The following TRIM15 variants were observed in gnomAD, a reference collection of about 807,000 sequenced individuals.
TRIM15 encodes E3 ubiquitin-protein ligase TRIM15.
A neutral mutation model predicts 35.8 loss-of-function variants in TRIM15; 35 were observed. That is an observed-to-expected ratio of 0.98 (90% CI 0.75 to 1.30). TRIM15 has a LOEUF of 1.30. TRIM15 is among the 50% of genes most tolerant of loss of function. The probability of loss-of-function intolerance (pLI) is 0.00; values close to 1 mark genes in which losing one functional copy is unlikely to be tolerated. For missense variants in TRIM15, 590 were observed against 593.5 expected, an observed-to-expected ratio of 0.99 and a Z score of 0.06; for synonymous variants, 252 against 249.8, an observed-to-expected ratio of 1.01 and a Z score of -0.08.
chr6:30,164,079 C>A lies in TRIM15; in HGVS notation c.381+14C>A. The stretch of plus-strand genomic sequence containing the variant: ...CAGCCCTACCGGGTAAGAAGTGTAG[C>A]TTTACCTAGGGCCTGTTTGGGGCAG... On this transcript the variant is annotated intron_variant, in intron 1 of 6. Coordinates refer to ENST00000376694, the MANE Select transcript of TRIM15 (RefSeq NM_033229.3). 1.2e-6 allele frequency: 2 copies of A among 1,602,608 alleles called. No individual in the cohort carries two copies. The highest frequency in any genetic ancestry group is 2.2e-5 in the East Asian group (1 of 44,802).
In TRIM15 at chr6:30,171,025, T is replaced by C. The variant is rs1773978240; in HGVS notation, c.880+17T>C. 1.2e-6 allele frequency: 2 copies of C among 1,609,766 alleles called. No homozygotes were observed. The highest frequency in any genetic ancestry group is 1.7e-6 in the Non-Finnish European group (2 of 1,178,472). ...TAGATTCAGGTAAACAGCTTGGGAT[T>C]TGGGGAGTCATTCTTCCATTCATCC... On this transcript the variant is annotated intron_variant, in intron 6 of 6. Transcript: ENST00000376694.
At position 30,167,262 on chromosome 6, in the gene TRIM15, A is replaced by G. The variant is rs1484728546; in HGVS notation, c.468A>G (p.Gln156=). Residue 156 remains glutamine, a synonymous_variant, in exon 2 of 7, where the codon CAA becomes CAG. Transcript: ENST00000376694. ...DVKCQEDQKL[Q]VLLTQIESKK... ...AGTGTCAAGAAGACCAGAAGCTTCAAGTGCTGCTGGTACAGGCCACGTCAC... is the reference window on the plus strand; with the variant it reads ...AGTGTCAAGAAGACCAGAAGCTTCAGGTGCTGCTGGTACAGGCCACGTCAC... 1 of 1,612,494 alleles carries G rather than the reference A, an allele frequency of 6.2e-7. No homozygotes were observed. Among genetic ancestry groups the G allele is most frequent in the African/African-American group, 1.3e-5 (1 of 75,044 alleles).
rs149881430 is a variant in TRIM15 at position 30,168,453 on chromosome 6, G to C, written c.631G>C (p.Glu211Gln). 4.3e-6 allele frequency: 7 copies of C among 1,612,124 alleles called. No individual in the cohort carries two copies. Among genetic ancestry groups the C allele is most frequent in the African/African-American group, 1.3e-5 (1 of 74,912 alleles). ...GGATGAATATATCACAAAGGTCTCT[G>C]AGGAAGTCACCCGGCTTGGAGCCCA... ...ERDEYITKVS[E>Q]EVTRLGAQVK... is the part of the protein sequence containing the mutation. Residue 211 changes from glutamate to glutamine, a missense_variant, in exon 3 of 7, where the codon GAG becomes CAG. Transcript: ENST00000376694.
Position 30,172,319 on chromosome 6 carries a change from A to T in TRIM15, c.1368A>T (p.Lys456Asn). ...TCTTCCCTTTCTTTGCCGTCTGGAA[A>T]AAAGGTTCCTGCCTTACGCTGAAAG... ...GKVFPFFAVWKKGSCLTLKG is the reference protein window; with the variant it reads ...GKVFPFFAVWNKGSCLTLKG Residue 456 changes from lysine (K) to asparagine (N), a missense_variant, in exon 7 of 7, where the codon AAA (lysine) becomes AAT (asparagine). Lys to Asn is a moderately conservative substitution (Grantham distance 94). Coordinates refer to ENST00000376694, the MANE Select transcript of TRIM15 (RefSeq NM_033229.3). 2 of 1,611,930 alleles carry T rather than the reference A, an allele frequency of 1.2e-6. No individual in the cohort carries two copies. The highest frequency in any genetic ancestry group is 1.7e-6 in the Non-Finnish European group (2 of 1,179,478).
intron 1 of TRIM15, among the ~76,000 whole-genome samples, chr6:30,165,609 T>C (rs1773542379): frequency 6.6e-6 from 1 of 152,238 alleles, no homozygotes; most frequent in Non-Finnish European, 1.5e-5. Context: ...ATCCTCTGGG[T>C]ATATACCCAG....
chr6:30,170,375 TA>T, intron 4 of TRIM15, 125 bp from the exon 5 acceptor site: 1 of 609,360 alleles, frequency 1.6e-6, no homozygotes, highest in East Asian at 2.8e-5. Flanking sequence ...AAAGAAATGA[TA>T]CTCAATTTCA....
Position 30,168,337 on chromosome 6 carries a change from C to A in TRIM15, c.515C>A (p.Ala172Asp), listed in dbSNP as rs1216995081. The A allele has an allele frequency of 6.2e-7, 1 of 1,612,940 alleles. No individual in the cohort carries two copies. Among genetic ancestry groups the A allele is most frequent in the Non-Finnish European group, 8.5e-7 (1 of 1,180,040 alleles). The change falls in exon 3 of 7, where the codon GCT (alanine) becomes GAT (aspartate). Residue 172 changes from alanine (A) to aspartate (D), a missense_variant. By Grantham distance (126) the Ala-to-Asp change is moderately radical. Coordinates refer to ENST00000376694, the MANE Select transcript of TRIM15 (RefSeq NM_033229.3). ...IESKKHQVET[A>D]FERLQQELEQ... ...AGCAAGAAGCATCAGGTGGAAACAG[C>A]TTTTGAGAGGCTGCAGCAGGAGCTG... is the stretch of plus-strand genomic sequence containing the variant.
At chr6:30,171,475 A>G (rs1459112959) in intron 6 of TRIM15, among the ~76,000 whole-genome samples, 1 of 152,234 alleles carries the variant, frequency 6.6e-6, no homozygotes, top group Non-Finnish European at 1.5e-5. Context: ...TTCCATAAGC[A>G]TCACCTCACT....
intron 1 of TRIM15, among the ~76,000 whole-genome samples, chr6:30,165,693 G>A (rs755399123): frequency 2.0e-4 from 30 of 152,220 alleles, no homozygotes; most frequent in Non-Finnish European, 3.7e-4. Flanking sequence ...CTTCCACAAC[G>A]GTTGAACTAA....
chr6:30,172,362 G>C lies in TRIM15; in HGVS notation c.*13G>C. The C allele has an allele frequency of 6.3e-7, 1 of 1,577,648 alleles. No homozygotes were observed. ...GCTGAAAGGCTGAAGTGGGGCGCGC[G>C]AAGGGCGGCGAAGCGGAGACGGCGG... On this transcript the variant is annotated 3_prime_UTR_variant, in exon 7 of 7. Coordinates refer to ENST00000376694, the MANE Select transcript of TRIM15 (RefSeq NM_033229.3).
Position 30,172,485 on chromosome 6 carries a change from C to G in TRIM15, c.*136C>G. The G allele has an allele frequency of 7.6e-7, 1 of 1,324,186 alleles. No homozygotes were observed. Among genetic ancestry groups the G allele is most frequent in the South Asian group, 1.3e-5 (1 of 76,210 alleles). 82.0% of individuals were successfully genotyped at this position (1,324,186 alleles called of 1,614,324 possible). On this transcript the variant is annotated 3_prime_UTR_variant, in exon 7 of 7. Coordinates refer to ENST00000376694, the MANE Select transcript of TRIM15 (RefSeq NM_033229.3). Reference sequence around the variant, plus strand: ...AACAGGGGACTTGAGTCTCGAACAGCGGTTGTTTTTACTTTATTTATCTTA... The same window carrying G: ...AACAGGGGACTTGAGTCTCGAACAGGGGTTGTTTTTACTTTATTTATCTTA...
At position 30,163,633 on chromosome 6, in the gene TRIM15, A is replaced by T; in HGVS notation, c.-52A>T. On this transcript the variant is annotated 5_prime_UTR_variant, in exon 1 of 7. Transcript: ENST00000376694. ...GTGTGACTCGATTTCAGGGAAAGGG[A>T]ACTCGCGTGGGCTGAGGAGACCGGA... is the stretch of plus-strand genomic sequence containing the variant. 2.0e-6 allele frequency: 3 copies of T among 1,532,908 alleles called. No homozygotes were observed. The highest frequency in any genetic ancestry group is 2.6e-6 in the Non-Finnish European group (3 of 1,140,288). The allele number at this position is 1,532,908 out of a possible 1,614,324, so 95.0% of individuals were successfully genotyped here.
intron 2 of TRIM15, 115 bp downstream of exon 2, chr6:30,167,386 G>A (rs571429493): frequency 7.5e-5 from 62 of 825,218 alleles, no homozygotes; most frequent in South Asian, 5.2e-4. Context: ...AACTGTTCTC[G>A]TTCACCTTCC....
chr6:30,172,631 G>T lies in TRIM15; in HGVS notation c.*282G>T. The T allele has an allele frequency of 1.5e-6, 1 of 662,998 alleles. No homozygotes were observed. The highest frequency in any genetic ancestry group is 2.8e-6 in the Non-Finnish European group (1 of 362,892). The allele number at this position is 662,998 out of a possible 1,614,324, so 41.1% of individuals were successfully genotyped here. A position where few individuals can be genotyped will look rare whatever the true frequency, so the allele number is the denominator to read the frequency against. On this transcript the variant is annotated 3_prime_UTR_variant, in exon 7 of 7. Transcript: ENST00000376694. ...AGGGCAACAGCCAACCTAGGAGCCA[G>T]CGGGCTTTCGGGGAAAAAAAAGAAA... is the stretch of plus-strand genomic sequence containing the variant.
In TRIM15 at chr6:30,172,196, G is replaced by A. The variant is rs1774083129; in HGVS notation, c.1245G>A (p.Val415=). The change falls in exon 7 of 7, where the codon GTG becomes GTA. Residue 415 remains valine, a synonymous_variant. Coordinates refer to ENST00000376694, the MANE Select transcript of TRIM15 (RefSeq NM_033229.3). ...DLPLSEIPRG[V]RVALDYEAGQ... is the part of the protein sequence containing the mutation. ...CGCTGAGCGAGATCCCGCGCGGCGT[G>A]AGAGTCGCCCTGGACTACGAGGCGG... is the stretch of plus-strand genomic sequence containing the variant. The A allele has an allele frequency of 1.2e-6, 2 of 1,609,910 alleles. No homozygotes were observed. Among genetic ancestry groups the A allele is most frequent in the Non-Finnish European group, 1.7e-6 (2 of 1,178,762 alleles).
chr6:30,171,857 C>A lies in TRIM15; in HGVS notation c.906C>A (p.Thr302=). Residue 302 remains threonine, a synonymous_variant, in exon 7 of 7, where the codon ACC becomes ACA. Transcript: ENST00000376694. ...DSGVITLDPQ[T]ASRSLVLSED... ...GGGTCATCACTCTGGACCCTCAGACCGCCAGCCGGAGCCTGGTTCTCTCGG... is the reference window on the plus strand; with the variant it reads ...GGGTCATCACTCTGGACCCTCAGACAGCCAGCCGGAGCCTGGTTCTCTCGG... 1 of 1,580,906 alleles carries A rather than the reference C, an allele frequency of 6.3e-7. No homozygotes were observed. Among genetic ancestry groups the A allele is most frequent in the East Asian group, 2.3e-5 (1 of 43,860 alleles).
chr6:30,170,444 C>CA (rs749562850), intron 4 of TRIM15, 57 bp from the exon 5 acceptor site: 6 of 1,160,364 alleles, frequency 5.2e-6, no homozygotes, highest in Non-Finnish European at 7.7e-6. Context: ...CACGTGGTCT[C>CA]ACCCGAACAT....
chr6:30,166,388 A>G (rs1283671066), intron 1 of TRIM15, among the ~76,000 whole-genome samples: 1 of 152,084 alleles, frequency 6.6e-6, no homozygotes, highest in Non-Finnish European at 1.5e-5. Flanking sequence ...TGTTTTTGTC[A>G]GGTTTGTCAA....
intron 3 of TRIM15, 68 bp downstream of exon 3, chr6:30,168,598 CT>C: frequency 6.9e-7 from 1 of 1,439,258 alleles, no homozygotes; most frequent in South Asian, 1.2e-5. Flanking sequence ...GGGCACCATG[CT>C]TTGGGCTGGA....
Sources: gnomAD v4.1 joint callset for allele counts (sites outside exome capture counted in the v4.1 genomes callset) on GRCh38, gnomAD v4.1.1 for gene constraint, MANE v1.5 for transcripts, NCBI Gene and HGNC (gene_info 2026-07-23, HGNC 2026-07-21) for gene names.